HECTD2: variants seen among roughly 807,000 people sequenced by gnomAD.
HECTD2 encodes probable E3 ubiquitin-protein ligase HECTD2.
HECTD2 carries 35 observed loss-of-function variants against 103.2 expected under a neutral mutation model. The ratio of observed to expected loss-of-function variants is 0.34; its 90% CI spans 0.26 to 0.45. The LOEUF is 0.45. Among genes scored for constraint, HECTD2 ranks in the 20% least tolerant of loss-of-function variants. The pLI, the probability that HECTD2 is intolerant of heterozygous loss-of-function variation, is 1.00. For synonymous variants in HECTD2, 281 were observed against 329.9 expected, an observed-to-expected ratio of 0.85 and a Z score of 1.61; for missense variants, 596 against 937.4, an observed-to-expected ratio of 0.64 and a Z score of 4.76.
intron 5 of HECTD2, among the ~76,000 whole-genome samples, chr10:91,466,444 C>T (rs1001173548): frequency 6.6e-6 from 1 of 152,126 alleles, no homozygotes; most frequent in African/African-American, 2.4e-5. Context: ...TTGTCTTCTA[C>T]TTACCTTGGA....
chr10:91,509,459 T>C (rs1847335909), intron 20 of HECTD2, among the ~76,000 whole-genome samples: 1 of 152,112 alleles, frequency 6.6e-6, no homozygotes, highest in Non-Finnish European at 1.5e-5. Flanking sequence ...TTATTGGGTA[T>C]GTACCCAAAG....
At chr10:91,512,107 C>T (rs1847445302) in intron 20 of HECTD2, among the ~76,000 whole-genome samples, 157 bp from the exon 21 acceptor site, 1 of 152,162 alleles carries the variant, frequency 6.6e-6, no homozygotes, top group Admixed American at 6.6e-5. Flanking sequence ...AAGTGAGGTA[C>T]TCAGTAAATA....
intron 7 of HECTD2, among the ~76,000 whole-genome samples, 189 bp downstream of exon 7, chr10:91,481,328 T>C (rs1037637932): frequency 4.0e-5 from 6 of 151,816 alleles, no homozygotes; most frequent in Admixed American, 3.9e-4. Context: ...TAAGTAAGAT[T>C]TTAAAAAGTA....
chr10:91,440,216 T>C (rs1466110262), intron 2 of HECTD2, among the ~76,000 whole-genome samples: 1 of 152,192 alleles, frequency 6.6e-6, no homozygotes, highest in Non-Finnish European at 1.5e-5. Context: ...GCTGCGGCTT[T>C]GTCATAAATA....
intron 2 of HECTD2, among the ~76,000 whole-genome samples, chr10:91,444,642 T>C (rs546851412): frequency 1.3e-5 from 2 of 152,314 alleles, no homozygotes; most frequent in South Asian, 2.1e-4. Context: ...CAAGGCATTG[T>C]TTCCAGAGAC....
chr10:91,410,278 G>A, upstream of HECTD2: 1 of 194,468 alleles, frequency 5.1e-6, no homozygotes, highest in Non-Finnish European at 9.3e-6. Context: ...TCGGGCTCGC[G>A]CGCAAAGGCG....
intron 1 of HECTD2, among the ~76,000 whole-genome samples, chr10:91,422,074 T>G (rs78769766): frequency 0.066 from 10,051 of 152,208 alleles, 888 homozygotes; most frequent in African/African-American, 0.2. Flanking sequence ...GCTACCATAG[T>G]GATTTTTTTC....
intron 1 of HECTD2, among the ~76,000 whole-genome samples, chr10:91,417,403 G>C (rs1843171053): frequency 6.6e-6 from 1 of 151,606 alleles, no homozygotes. Context: ...TAAGTTTTAG[G>C]GTACATGTGC....
intron 20 of HECTD2, 95 bp from the exon 21 acceptor site, chr10:91,512,169 T>C: frequency 7.7e-7 from 1 of 1,299,078 alleles, no homozygotes; most frequent in South Asian, 1.4e-5. Flanking sequence ...TGAAATAGAT[T>C]TGAATGTGTG....
chr10:91,431,563 G>A (rs924439201), intron 2 of HECTD2, among the ~76,000 whole-genome samples: 33 of 152,044 alleles, frequency 2.2e-4, no homozygotes, highest in Non-Finnish European at 4.0e-4. Context: ...ATATTTCTTG[G>A]AGGCTTTGTT....
chr10:91,449,018 C>T (rs984278752), intron 2 of HECTD2, among the ~76,000 whole-genome samples: 19 of 140,214 alleles, frequency 1.4e-4, no homozygotes, highest in African/African-American at 4.3e-4. Flanking sequence ...TCCTCCCTAA[C>T]TCACTTTATG....
At chr10:91,467,178 TGCTCTTGCCACGGGCCTCCG>T (rs945413527) in intron 5 of HECTD2, among the ~76,000 whole-genome samples, 12 of 152,174 alleles carry the variant, frequency 7.9e-5, no homozygotes, top group Non-Finnish European at 4.4e-5. Context: ...AGGAGCAGCC[TGCTCTTGCCACGGGCCTCCG>T]GAATCCTGGC....
intron 5 of HECTD2, among the ~76,000 whole-genome samples, chr10:91,470,952 T>C (rs893669596): frequency 9.9e-5 from 15 of 151,636 alleles, no homozygotes; most frequent in African/African-American, 3.6e-4. Context: ...CATCTTGATA[T>C]CATCTTTTCT....
chr10:91,489,401 A>T (rs1293262363), intron 11 of HECTD2: 1 of 152,198 alleles, frequency 6.6e-6, no homozygotes, highest in Admixed American at 6.5e-5. Context: ...AAGAGCTTAT[A>T]TGGTACAATC....
chr10:91,443,789 T>G (rs1844471443), intron 2 of HECTD2, among the ~76,000 whole-genome samples: 1 of 152,224 alleles, frequency 6.6e-6, no homozygotes, highest in African/African-American at 2.4e-5. Context: ...TGGTTTTAAA[T>G]GAGAGAACAA....
chr10:91,410,841 G>A (rs915881313), intron 1 of HECTD2, among the ~76,000 whole-genome samples: 5 of 152,190 alleles, frequency 3.3e-5, no homozygotes, highest in African/African-American at 1.2e-4. Context: ...TATTTTCTGG[G>A]GCTTGGGCCC....
chr10:91,496,359 G>A lies in HECTD2; in HGVS notation c.1667G>A (p.Cys556Tyr). The A allele has an allele frequency of 6.2e-7, 1 of 1,609,162 alleles. No individual in the cohort carries two copies. The highest frequency in any genetic ancestry group is 8.5e-7 in the Non-Finnish European group (1 of 1,176,876). The change falls in exon 15 of 21, where the codon TGT becomes TAT. Residue 556 changes from cysteine to tyrosine, a missense_variant. Physicochemically the swap from Cys to Tyr is radical, Grantham distance 194. Around this residue, in one of 4 missense-constraint regions of HECTD2, gnomAD observed 303 missense variants for 522.5 expected, o/e 0.58. Transcript: ENST00000298068. The stretch of plus-strand genomic sequence containing the variant: ...TGCAATGTTACCGTGGACGACTTAT[G>A]TCAAATTATGCCTGTAAGTATAAAG... ...GICNVTVDDL[C>Y]QIMPELAHGL...
Position 91,450,062 on chromosome 10 carries a change from T to C in HECTD2, c.269-10365T>C, listed in dbSNP as rs189493320. 5.1e-4 allele frequency among the ~76,000 whole-genome samples: 78 copies of C among 152,206 alleles called. No homozygotes were observed. In the East Asian group the frequency reaches 0.015, roughly 29 times the overall value. Reference sequence around the variant, plus strand: ...TCATATAGAACCAAAAAAGAGCCCATATAGTCAAGACAATCCTAAGCAAAA... The same window carrying C: ...TCATATAGAACCAAAAAAGAGCCCACATAGTCAAGACAATCCTAAGCAAAA... On this transcript the variant is annotated intron_variant, in intron 2 of 20. Transcript: ENST00000298068.
chr10:91,504,240 G>C (rs896184292), intron 20 of HECTD2, among the ~76,000 whole-genome samples: 1 of 152,216 alleles, frequency 6.6e-6, no homozygotes, highest in African/African-American at 2.4e-5. Context: ...CCAAAGGAAC[G>C]CAGCTCCTCA....
Sources: allele counts gnomAD v4.1 joint callset (sites outside exome capture counted in the v4.1 genomes callset), GRCh38; gene constraint gnomAD v4.1.1; regional missense constraint gnomAD v4.1.1; transcripts MANE v1.5; gene names NCBI Gene and HGNC (gene_info 2026-07-23, HGNC 2026-07-21).